The following TMEM217 variants were observed in gnomAD, a reference collection of about 807,000 sequenced individuals.
TMEM217 encodes transmembrane protein 217.
For missense variants in TMEM217, 204 were observed against 248.8 expected (o/e 0.82, Z 1.21); for synonymous variants, 76 against 88.3 (o/e 0.86, Z 0.78).
chr6:37,226,705 G>A (rs1763865270), intron 1 of TMEM217, among the ~76,000 whole-genome samples: 1 of 152,064 alleles, frequency 6.6e-6, no homozygotes, highest in Non-Finnish European at 1.5e-5. Context: ...GGGATTACAG[G>A]CGCGTGCAAC....
At chr6:37,229,487 C>T (rs1047038655) in intron 1 of TMEM217, among the ~76,000 whole-genome samples, 2 of 151,822 alleles carry the variant, frequency 1.3e-5, no homozygotes, top group South Asian at 4.2e-4. Flanking sequence ...GGACTACAGG[C>T]GCCCGCCACC....
chr6:37,213,512 A>G (rs1223760007), downstream of TMEM217, among the ~76,000 whole-genome samples: 1 of 152,244 alleles, frequency 6.6e-6, no homozygotes, highest in African/African-American at 2.4e-5. Context: ...CCTTGTCCCA[A>G]GTCACAGGGT....
chr6:37,234,380 G>A (rs535577239), intron 1 of TMEM217, among the ~76,000 whole-genome samples: 49 of 152,314 alleles, frequency 3.2e-4, no homozygotes, highest in African/African-American at 1.1e-3. Flanking sequence ...AACTACAGGC[G>A]TGAGCCACCA....
At chr6:37,229,837 T>C (rs974091395) in intron 1 of TMEM217, among the ~76,000 whole-genome samples, 1 of 152,166 alleles carries the variant, frequency 6.6e-6, no homozygotes, top group Non-Finnish European at 1.5e-5. Flanking sequence ...ACAGTTATAA[T>C]AGTATCTCAG....
At chr6:37,233,787 T>G (rs1442579404) in intron 1 of TMEM217, among the ~76,000 whole-genome samples, 1 of 152,168 alleles carries the variant, frequency 6.6e-6, no homozygotes, top group African/African-American at 2.4e-5. Flanking sequence ...AGTTACTAAC[T>G]AACTAACTAA....
intron 1 of TMEM217, among the ~76,000 whole-genome samples, chr6:37,226,211 C>A (rs1348806021): frequency 1.3e-5 from 2 of 151,710 alleles, no homozygotes; most frequent in African/African-American, 4.8e-5. Flanking sequence ...AGAGATATCT[C>A]CCCTTTATCT....
Position 37,252,613 on chromosome 6 carries a change from GTGTGTATATA to G in TMEM217, c.-12+4945_-12+4954del, listed in dbSNP as rs1436865906. 2.6e-3 allele frequency among the ~76,000 whole-genome samples: 235 copies of G among 89,904 alleles called. 5 individuals carry two copies. Among genetic ancestry groups the G allele is most frequent in the Non-Finnish European group, 3.6e-3 (162 of 45,536 alleles). The allele number at this position is 89,904 out of a possible 152,430, so 59.0% of individuals were successfully genotyped here. ...TATGTGTGTGTGTGTGTGTGTATGT[GTGTGTATATA>G]TATATATATATATATTTTTTTTTTT... On this transcript the variant is annotated intron_variant, in intron 1 of 1. Coordinates refer to ENST00000357219, the Ensembl canonical transcript of TMEM217.
intron 1 of TMEM217, among the ~76,000 whole-genome samples, chr6:37,230,142 G>A (rs996181723): frequency 6.6e-6 from 1 of 152,318 alleles, no homozygotes; most frequent in South Asian, 2.1e-4. Context: ...GGTACATCAA[G>A]TCCTTCTCAC....
At chr6:37,220,592 T>C (rs1374247436) in intron 1 of TMEM217, among the ~76,000 whole-genome samples, 2 of 152,216 alleles carry the variant, frequency 1.3e-5, no homozygotes, top group Non-Finnish European at 2.9e-5. Flanking sequence ...AAGTATTTTT[T>C]TTAACTTTAA....
rs137939106 is a variant in TMEM217 at position 37,222,437 on chromosome 6, G to T, written c.-11-3396C>A. ...CCTGCAGGGACGGCAGGAAGCCGGGGAAGGGGGCCTCCTGGGGTCCCCGAG... is the reference window on the plus strand; with the variant it reads ...CCTGCAGGGACGGCAGGAAGCCGGGTAAGGGGGCCTCCTGGGGTCCCCGAG... On this transcript the variant is annotated intron_variant, in intron 1 of 1. Transcript: ENST00000357219. 6.5e-3 allele frequency among the ~76,000 whole-genome samples: 983 copies of T among 152,326 alleles called. 9 individuals are homozygous for T. Among genetic ancestry groups the T allele is most frequent in the African/African-American group, 0.021 (885 of 41,572 alleles).
At chr6:37,238,836 A>G (rs935340211) in intron 1 of TMEM217, among the ~76,000 whole-genome samples, 2 of 152,236 alleles carry the variant, frequency 1.3e-5, no homozygotes, top group Non-Finnish European at 2.9e-5. Context: ...TGATTTTAAA[A>G]AATCTATGTC....
At chr6:37,245,789 T>C (rs1332478683) in intron 1 of TMEM217, among the ~76,000 whole-genome samples, 5 of 96,590 alleles carry the variant, frequency 5.2e-5, no homozygotes, top group African/African-American at 2.6e-4. Flanking sequence ...TTTTCTTTTC[T>C]TTCTTTCTTT....
chr6:37,229,335 G>GTTTTTTTTTTTTTTTT lies in TMEM217; in HGVS notation c.-11-10310_-11-10295dup, dbSNP rs372385535. ...TGACTCGTCTCCCTAGCAACTTTCA[G>GTTTTTTTTTTTTTTTT]TTTTTTTTTTTTTTTTTTTTTTTTT... On this transcript the variant is annotated intron_variant, in intron 1 of 1. Transcript: ENST00000357219. 8.1e-5 allele frequency among the ~76,000 whole-genome samples: 6 copies of GTTTTTTTTTTTTTTTT among 74,368 alleles called. 1 individual carries two copies. Among genetic ancestry groups the GTTTTTTTTTTTTTTTT allele is most frequent in the Non-Finnish European group, 9.3e-5 (4 of 42,876 alleles). 48.8% of individuals were successfully genotyped at this position (74,368 alleles called of 152,430 possible).
At chr6:37,212,239 C>T (rs1762947995) in exon 4 of TMEM217, 1 of 342,338 alleles carries the variant, frequency 2.9e-6, no homozygotes, top group South Asian at 2.3e-5. Context: ...TCACACAACA[C>T]ATCTGTAAAA....
At chr6:37,237,313 C>G (rs1186863904) in intron 1 of TMEM217, among the ~76,000 whole-genome samples, 1 of 152,214 alleles carries the variant, frequency 6.6e-6, no homozygotes, top group Non-Finnish European at 1.5e-5. Flanking sequence ...TTGACATTCT[C>G]TGCCTCCCTC....
downstream of TMEM217, among the ~76,000 whole-genome samples, chr6:37,217,212 T>G (rs1763250922): frequency 6.6e-6 from 1 of 152,174 alleles, no homozygotes; most frequent in Non-Finnish European, 1.5e-5. Context: ...GAGAATCGCT[T>G]AAACCCGGGA....
At chr6:37,227,644 T>C (rs1173424606) in intron 1 of TMEM217, among the ~76,000 whole-genome samples, 2 of 151,928 alleles carry the variant, frequency 1.3e-5, no homozygotes, top group African/African-American at 4.8e-5. Flanking sequence ...TGGGGTTTCA[T>C]CATGCTGTCC....
chr6:37,230,282 T>G (rs749047114), intron 1 of TMEM217, among the ~76,000 whole-genome samples: 90 of 152,234 alleles, frequency 5.9e-4, no homozygotes, highest in Non-Finnish European at 1.1e-3. Flanking sequence ...CTCTTTACCT[T>G]CAGGTCCTTA....
chr6:37,226,281 CTTTTTTTTTTTT>C (rs755752365), intron 1 of TMEM217, among the ~76,000 whole-genome samples: 800 of 74,884 alleles, frequency 0.011, 6 homozygotes, highest in Non-Finnish European at 0.018. Flanking sequence ...TTGAGACAGT[CTTTTTTTTTTTT>C]TTTTTTTTTT....
Sources: gnomAD v4.1 joint callset for allele counts (sites outside exome capture counted in the v4.1 genomes callset) on GRCh38, gnomAD v4.1.1 for gene constraint, MANE v1.5 for transcripts, NCBI Gene and HGNC (gene_info 2026-07-23, HGNC 2026-07-21) for gene names.